DSE: variants seen among roughly 807,000 people sequenced by gnomAD.
DSE encodes dermatan-sulfate epimerase.
A neutral mutation model predicts 84.4 loss-of-function variants in DSE; 36 were observed. The observed-to-expected ratio is 0.43, with a 90% CI of 0.33 to 0.56. DSE has a LOEUF of 0.56. Among genes scored for constraint, DSE ranks in the 20% least tolerant of loss-of-function variants. The pLI, the probability that DSE is intolerant of heterozygous loss-of-function variation, is 0.06. For synonymous variants in DSE, 410 were observed against 430.1 expected (o/e 0.95, Z 0.58); for missense variants, 862 against 1,169.6 (o/e 0.74, Z 3.84).
upstream of DSE, among the ~76,000 whole-genome samples, chr6:116,368,642 G>T (rs1255320579): frequency 6.6e-6 from 1 of 152,156 alleles, no homozygotes. Flanking sequence ...AAGCTCCAAG[G>T]ATATACTTAG....
intron 2 of DSE, among the ~76,000 whole-genome samples, chr6:116,293,759 A>C (rs1309586130): frequency 6.6e-6 from 1 of 151,814 alleles, no homozygotes. Context: ...AAAATTAGTC[A>C]GGCATGGTGG....
chr6:116,332,223 C>T (rs1482778362), intron 2 of DSE, among the ~76,000 whole-genome samples: 1 of 152,002 alleles, frequency 6.6e-6, no homozygotes, highest in Non-Finnish European at 1.5e-5. Flanking sequence ...GTAAAAGAAA[C>T]ATAAAACATT....
Position 116,399,505 on chromosome 6 carries a change from C to T in DSE, c.255C>T (p.Tyr85=). Reference sequence around the variant, plus strand: ...CGATGCTGTCCAGCCCCTTGGAATACCTCCCTCCCTGGGATCCCAAGGACT... The same window carrying T: ...CGATGCTGTCCAGCCCCTTGGAATATCTCCCTCCCTGGGATCCCAAGGACT... ...VHTMLSSPLE[Y]LPPWDPKDYS... is the part of the protein sequence containing the mutation. Residue 85 remains tyrosine (Y), a synonymous_variant, in exon 2 of 6, where the codon TAC becomes TAT. Transcript: ENST00000644252. 6.2e-7 allele frequency: 1 copy of T among 1,614,214 alleles called. No individual in the cohort carries two copies. Among genetic ancestry groups the T allele is most frequent in the Non-Finnish European group, 8.5e-7 (1 of 1,180,036 alleles).
intron 2 of DSE, among the ~76,000 whole-genome samples, chr6:116,315,492 C>T (rs983917088): frequency 5.9e-5 from 9 of 151,990 alleles, no homozygotes; most frequent in African/African-American, 9.7e-5. Context: ...ATTACAAAAT[C>T]GATGTTGAAT....
At chr6:116,379,778 T>C (rs1190806453) in intron 1 of DSE, among the ~76,000 whole-genome samples, 3 of 152,214 alleles carry the variant, frequency 2.0e-5, no homozygotes, top group Non-Finnish European at 4.4e-5. Context: ...GAAATGTCAT[T>C]TGAATGTCTG....
chr6:116,391,630 G>A (rs1441442316), intron 1 of DSE, among the ~76,000 whole-genome samples: 3 of 151,972 alleles, frequency 2.0e-5, no homozygotes, highest in African/African-American at 2.4e-5. Context: ...GCTGGGCGTG[G>A]TGGCGGGTGC....
rs1371330531 is a variant in DSE, at chr6:116,439,240, C to CT, written c.*1896dup. The CT allele has an allele frequency of 1.3e-5, 2 of 152,110 alleles. No homozygotes were observed. The highest frequency in any genetic ancestry group is 4.8e-5 in the African/African-American group (2 of 41,434). The allele number at this position is 152,110 out of a possible 1,614,324, so 9.4% of individuals were successfully genotyped here. On this transcript the variant is annotated 3_prime_UTR_variant, in exon 6 of 6. Transcript: ENST00000644252. The stretch of plus-strand genomic sequence containing the variant: ...AAGCAAACCTGATCTCAGATCCAAA[C>CT]TGAGACATACTTTCTAACAGAGATG...
intron 2 of DSE, among the ~76,000 whole-genome samples, chr6:116,365,309 G>A (rs1779101650): frequency 6.6e-6 from 1 of 152,072 alleles, no homozygotes; most frequent in African/African-American, 2.4e-5. Flanking sequence ...AGGCTGGAGT[G>A]CAGTGGTGCA....
chr6:116,297,793 G>A (rs1162568589), intron 2 of DSE, among the ~76,000 whole-genome samples: 1 of 152,112 alleles, frequency 6.6e-6, no homozygotes, highest in Non-Finnish European at 1.5e-5. Context: ...GCCATGTTAG[G>A]GGATGTCTGC....
chr6:116,340,451 C>A (rs895990338), intron 2 of DSE, among the ~76,000 whole-genome samples: 1 of 152,106 alleles, frequency 6.6e-6, no homozygotes, highest in African/African-American at 2.4e-5. Flanking sequence ...ATTTCTATCA[C>A]CTGAGAGTTT....
chr6:116,422,111 G>A (rs549809561), intron 2 of DSE, among the ~76,000 whole-genome samples: 15 of 152,150 alleles, frequency 9.9e-5, no homozygotes, highest in African/African-American at 2.9e-4. Context: ...CTGTCTTATC[G>A]GTGCATGGTT....
rs149860936 is a variant in DSE, at chr6:116,377,743, A to G, written c.-54+6622A>G. ...AATACTTTACACCAAGGTGCACTCA[A>G]TATCCAACACGGTGTAGAGCAGTAA... On this transcript the variant is annotated intron_variant, in intron 1 of 5. Coordinates refer to ENST00000644252, the MANE Select transcript of DSE (RefSeq NM_013352.4). 2.4e-4 allele frequency among the ~76,000 whole-genome samples: 37 copies of G among 152,282 alleles called. No individual in the cohort carries two copies. The East Asian group carries it at 2.9e-3, about 12-fold the overall frequency.
chr6:116,321,862 C>A (rs571134077), intron 2 of DSE, among the ~76,000 whole-genome samples: 4 of 152,286 alleles, frequency 2.6e-5, no homozygotes, highest in East Asian at 3.9e-4. Context: ...GGAACTTTGT[C>A]TTTTTTGTTC....
Position 116,426,692 on chromosome 6 carries a change from G to A in DSE, c.535G>A (p.Glu179Lys). 6.2e-7 allele frequency: 1 copy of A among 1,614,184 alleles called. No homozygotes were observed. The highest frequency in any genetic ancestry group is 8.5e-7 in the Non-Finnish European group (1 of 1,180,030). Residue 179 changes from glutamate to lysine, a missense_variant, in exon 3 of 6, where the codon GAA becomes AAA. Glu to Lys is a moderately conservative substitution (Grantham distance 56). Coordinates refer to ENST00000644252, the MANE Select transcript of DSE (RefSeq NM_013352.4). ...CAAGACACAACAGGAGAAGTTTCTTGAAGTGATTGCCAATGCCTCAGGGTA... is the reference window on the plus strand; with the variant it reads ...CAAGACACAACAGGAGAAGTTTCTTAAAGTGATTGCCAATGCCTCAGGGTA... The part of the protein sequence containing the change: ...LSKTQQEKFL[E>K]VIANASGYMY...
At chr6:116,406,306 C>T (rs1323329253) in intron 2 of DSE, among the ~76,000 whole-genome samples, 1 of 152,182 alleles carries the variant, frequency 6.6e-6, no homozygotes, top group East Asian at 1.9e-4. Context: ...CAGTGCCCCT[C>T]ACCCCATATG....
At chr6:116,317,091 G>A (rs1776027846) in intron 2 of DSE, among the ~76,000 whole-genome samples, 1 of 152,178 alleles carries the variant, frequency 6.6e-6, no homozygotes, top group African/African-American at 2.4e-5. Context: ...AAAGAGAAGG[G>A]GAAGAATGGT....
intron 2 of DSE, among the ~76,000 whole-genome samples, chr6:116,342,551 T>C (rs1240902009): frequency 1.3e-5 from 2 of 152,240 alleles, no homozygotes; most frequent in Admixed American, 6.5e-5. Context: ...AGTGCTGGGA[T>C]TACAGGCATG....
rs1784452344 is a variant in DSE at position 116,442,270 on chromosome 6, C to G, written c.*4925C>G. 1 of 152,244 alleles carries G rather than the reference C, an allele frequency of 6.6e-6. No homozygotes were observed. The highest frequency in any genetic ancestry group is 6.6e-5 in the Admixed American group (1 of 15,266). 9.4% of individuals were successfully genotyped at this position (152,244 alleles called of 1,614,324 possible). ...TAGGATCAGATCATACATGCTCTCACAGACTGCAGCAAAGACTTGGATTAT... is the reference window on the plus strand; with the variant it reads ...TAGGATCAGATCATACATGCTCTCAGAGACTGCAGCAAAGACTTGGATTAT... On this transcript the variant is annotated 3_prime_UTR_variant, in exon 6 of 6. Transcript: ENST00000644252.
intron 2 of DSE, among the ~76,000 whole-genome samples, chr6:116,420,504 C>T (rs1016623909): frequency 2.6e-5 from 4 of 152,132 alleles, no homozygotes; most frequent in African/African-American, 7.2e-5. Context: ...AGTAAGATGG[C>T]GGCGGCCTTC....
Sources: allele counts gnomAD v4.1 joint callset (sites outside exome capture counted in the v4.1 genomes callset), GRCh38; gene constraint gnomAD v4.1.1; transcripts MANE v1.5; gene names NCBI Gene and HGNC (gene_info 2026-07-23, HGNC 2026-07-21).